Variants in DENND4B observed in about 807,000 individuals in gnomAD.
The protein encoded by DENND4B is DENN domain containing 4B.
In DENND4B, 67 loss-of-function variants were observed where a neutral mutation model predicts 161.0. That is an observed-to-expected ratio of 0.42 (90% CI 0.34 to 0.51). The LOEUF (loss-of-function observed/expected upper bound fraction) is 0.51. DENND4B is among the 20% of genes least tolerant of loss of function. The pLI, the probability that DENND4B is intolerant of heterozygous loss-of-function variation, is 0.08. For missense variants in DENND4B, 1,481 were observed against 1,968.0 expected (o/e 0.75, Z 4.68); for synonymous variants, 753 against 813.8 (o/e 0.93, Z 1.27).
At position 153,936,219 on chromosome 1, in the gene DENND4B, G is replaced by T; in HGVS notation, c.2440-31C>A. The T allele has an allele frequency of 1.3e-6, 2 of 1,586,464 alleles. No homozygotes were observed. Among genetic ancestry groups the T allele is most frequent in the Non-Finnish European group, 1.7e-6 (2 of 1,166,048 alleles). On this transcript the variant is annotated intron_variant, in intron 16 of 27. Transcript: ENST00000361217. This position sits in a 1 kb window ranked among gnomAD's most constrained non-coding sequence, Gnocchi z 4.1. ...CCAGGAGAGGCACAGGACAATGGGA[G>T]ACTCACTCTCAACCAAAACCAAAGT...
rs775713292 is a variant in DENND4B, at chr1:153,936,022, C to A, written c.2568+38G>T. The A allele has an allele frequency of 8.1e-5, 130 of 1,609,622 alleles. No homozygotes were observed. Among genetic ancestry groups the A allele is most frequent in the Non-Finnish European group, 1.1e-4 (126 of 1,177,880 alleles). ...AGCAGCCTCCCCTCACACACCCTGG[C>A]ACAGCTGCCATCCCACCCCTCACCC... is the stretch of plus-strand genomic sequence containing the variant. On this transcript the variant is annotated intron_variant, in intron 17 of 27. Transcript: ENST00000361217. The surrounding 1 kb of genome is among the most constrained non-coding windows in gnomAD (Gnocchi z 4.1).
At chr1:153,931,558 C>T (rs1011821130) in intron 24 of DENND4B, among the ~76,000 whole-genome samples, 1 of 147,658 alleles carries the variant, frequency 6.8e-6, no homozygotes, top group Non-Finnish European at 1.5e-5. Context: ...AGTGCAGTGG[C>T]GCGATCTCAG....
chr1:153,945,635 T>C (rs1197694996), intron 1 of DENND4B, among the ~76,000 whole-genome samples: 1 of 152,076 alleles, frequency 6.6e-6, no homozygotes. Flanking sequence ...ACTCCACTTC[T>C]GGGAGGTAAA....
intron 1 of DENND4B, among the ~76,000 whole-genome samples, chr1:153,945,576 G>A (rs111916011): frequency 1.4e-5 from 2 of 145,778 alleles, no homozygotes; most frequent in Non-Finnish European, 3.0e-5. Flanking sequence ...ACACACACAC[G>A]CACACACACA....
intron 2 of DENND4B, 47 bp from the exon 3 acceptor site, chr1:153,943,177 A>G (rs764567479): frequency 1.3e-6 from 2 of 1,568,364 alleles, no homozygotes; most frequent in South Asian, 2.3e-5. Flanking sequence ...AGGGTAGAGG[A>G]CAAAGACCCA....
chr1:153,939,917 C>A, intron 11 of DENND4B, 113 bp from the exon 12 acceptor site: 1 of 1,054,550 alleles, frequency 9.5e-7, no homozygotes, highest in Non-Finnish European at 1.4e-6. Flanking sequence ...GCACCAGTAG[C>A]AACTAAAGTA....
In DENND4B at chr1:153,934,843, T is replaced by C; in HGVS notation, c.2690A>G (p.Gln897Arg). 6.2e-7 allele frequency: 1 copy of C among 1,612,510 alleles called. No individual in the cohort carries two copies. Among genetic ancestry groups the C allele is most frequent in the South Asian group, 1.1e-5 (1 of 91,034 alleles). ...CTGCTGCTGCTGTTGCTGCTGCTGCTGCTGTTGCCGTTCTCTCAAGGGCTG... is the reference window on the plus strand; with the variant it reads ...CTGCTGCTGCTGTTGCTGCTGCTGCCGCTGTTGCCGTTCTCTCAAGGGCTG... Reference protein sequence around the residue: ...FRQPLRERQQQQQQQQQQQQQ... With the variant: ...FRQPLRERQQRQQQQQQQQQQ... Residue 897 changes from glutamine (Q) to arginine (R), a missense_variant, in exon 18 of 28, where the codon CAG becomes CGG. Gln to Arg is a conservative substitution (Grantham distance 43). Coordinates refer to ENST00000361217, the MANE Select transcript of DENND4B (RefSeq NM_014856.3). The surrounding 1 kb of genome is among the most constrained non-coding windows in gnomAD (Gnocchi z 5.3).
rs1679441295 is a variant in DENND4B at position 153,937,927 on chromosome 1, T to C, written c.1966-64A>G. Reference sequence around the variant, plus strand: ...GGGCATGGAGCAGAGCCAGGGTGTCTAGACGATGGCATCTCCCAGGAAAGC... The same window carrying C: ...GGGCATGGAGCAGAGCCAGGGTGTCCAGACGATGGCATCTCCCAGGAAAGC... On this transcript the variant is annotated intron_variant, in intron 13 of 27. Coordinates refer to ENST00000361217, the MANE Select transcript of DENND4B (RefSeq NM_014856.3). This position sits in a 1 kb window ranked among gnomAD's most constrained non-coding sequence, Gnocchi z 4.7. 1 of 1,601,776 alleles carries C rather than the reference T, an allele frequency of 6.2e-7. No individual in the cohort carries two copies. The highest frequency in any genetic ancestry group is 1.1e-5 in the South Asian group (1 of 90,294).
Position 153,942,947 on chromosome 1 carries a change from C to G in DENND4B, c.501G>C (p.Val167=), listed in dbSNP as rs751943189. 10 of 1,613,576 alleles carry G rather than the reference C, an allele frequency of 6.2e-6. No homozygotes were observed. The African/African-American group carries it at 1.2e-4, about 19-fold the overall frequency. ...HALGITDLCL[V]LPSKGEGTPH... ...GAGTGCCCTCGCCCTTACTGGGCAGCACCAGGCAGAGGTCAGTGATGCCCA... is the reference window on the plus strand; with the variant it reads ...GAGTGCCCTCGCCCTTACTGGGCAGGACCAGGCAGAGGTCAGTGATGCCCA... Residue 167 remains valine (V), a synonymous_variant, in exon 3 of 28, where the codon GTG becomes GTC. Transcript: ENST00000361217. The surrounding 1 kb of genome is among the most constrained non-coding windows in gnomAD (Gnocchi z 6.9).
Position 153,932,168 on chromosome 1 carries a change from G to T in DENND4B, c.3996+36C>A. 2 of 1,565,296 alleles carry T rather than the reference G, an allele frequency of 1.3e-6. No homozygotes were observed. Among genetic ancestry groups the T allele is most frequent in the Non-Finnish European group, 1.8e-6 (2 of 1,142,132 alleles). On this transcript the variant is annotated intron_variant, in intron 24 of 27. Transcript: ENST00000361217. The surrounding 1 kb of genome is among the most constrained non-coding windows in gnomAD (Gnocchi z 5.8). ...GACAAATGGCTGAGAGATGAGGGAG[G>T]CACTTAGGAAACAGGGGCCACATGG... is the stretch of plus-strand genomic sequence containing the variant.
intron 2 of DENND4B, among the ~76,000 whole-genome samples, chr1:153,943,790 AT>A (rs1679809614): frequency 6.6e-6 from 1 of 151,592 alleles, no homozygotes; most frequent in African/African-American, 2.4e-5. Flanking sequence ...AGGATGAATT[AT>A]TTTCCCCATT....
chr1:153,937,673 C>T lies in DENND4B; in HGVS notation c.2105+51G>A. The T allele has an allele frequency of 6.2e-7, 1 of 1,613,356 alleles. No individual in the cohort carries two copies. On this transcript the variant is annotated intron_variant, in intron 14 of 27. Coordinates refer to ENST00000361217, the MANE Select transcript of DENND4B (RefSeq NM_014856.3). This position sits in a 1 kb window ranked among gnomAD's most constrained non-coding sequence, Gnocchi z 4.7. ...TCAGCACAGGGCGAAGCGAGTTGGA[C>T]TGGACCAGTCTATGGGACCCTGGAA... is the stretch of plus-strand genomic sequence containing the variant.
Position 153,933,465 on chromosome 1 carries a change from C to T in DENND4B, c.3330+18G>A. The T allele has an allele frequency of 6.4e-7, 1 of 1,571,020 alleles. No individual in the cohort carries two copies. Among genetic ancestry groups the T allele is most frequent in the Non-Finnish European group, 8.6e-7 (1 of 1,158,350 alleles). On this transcript the variant is annotated intron_variant, in intron 20 of 27. Transcript: ENST00000361217. This position sits in a 1 kb window ranked among gnomAD's most constrained non-coding sequence, Gnocchi z 5.7. ...GCCCACTAATGCTAAGGCATCTGGA[C>T]CCTCCTTCACTGGCTACCTCGGAGG...
At position 153,934,018 on chromosome 1, in the gene DENND4B, C is replaced by T; in HGVS notation, c.2941+117G>A. 1 of 1,471,066 alleles carries T rather than the reference C, an allele frequency of 6.8e-7. No homozygotes were observed. Among genetic ancestry groups the T allele is most frequent in the Non-Finnish European group, 9.0e-7 (1 of 1,107,634 alleles). The allele number at this position is 1,471,066 out of a possible 1,614,324, so 91.1% of individuals were successfully genotyped here. On this transcript the variant is annotated intron_variant, in intron 19 of 27. Coordinates refer to ENST00000361217, the MANE Select transcript of DENND4B (RefSeq NM_014856.3). This position sits in a 1 kb window ranked among gnomAD's most constrained non-coding sequence, Gnocchi z 5.3. ...ATTCTGGGCGAGATTCCCTCAGAAT[C>T]TACAGCACCCACCACAGAGGGCCGC...
intron 24 of DENND4B, 48 bp from the exon 25 acceptor site, chr1:153,931,112 G>T: frequency 6.8e-7 from 1 of 1,473,934 alleles, no homozygotes; most frequent in South Asian, 1.2e-5. Context: ...CGAATGGGAG[G>T]CAGAGGACAA....
intron 6 of DENND4B, 94 bp downstream of exon 6, chr1:153,941,775 G>GGGGGGCCC: frequency 7.5e-7 from 1 of 1,338,172 alleles, no homozygotes; most frequent in Non-Finnish European, 1.0e-6. Flanking sequence ...CCTGTGCCCA[G>GGGGGGCCC]CCCTCCCCCC....
At position 153,934,104 on chromosome 1, in the gene DENND4B, G is replaced by A; in HGVS notation, c.2941+31C>T. 1 of 1,525,360 alleles carries A rather than the reference G, an allele frequency of 6.6e-7. No individual in the cohort carries two copies. Among genetic ancestry groups the A allele is most frequent in the Non-Finnish European group, 8.7e-7 (1 of 1,143,126 alleles). 94.5% of individuals were successfully genotyped at this position (1,525,360 alleles called of 1,614,324 possible). A position where few individuals can be genotyped will look rare whatever the true frequency, so the allele number is the denominator to read the frequency against. ...GCAAGTGGTTAGGAAAGCTGACTGG[G>A]GGAGTGAGGGAGCCAGACAAGGGCA... is the stretch of plus-strand genomic sequence containing the variant. On this transcript the variant is annotated intron_variant, in intron 19 of 27. Transcript: ENST00000361217. The surrounding 1 kb of genome is among the most constrained non-coding windows in gnomAD (Gnocchi z 5.3).
Position 153,946,088 on chromosome 1 carries a change from C to G in DENND4B, c.-24+213G>C, listed in dbSNP as rs1045660668. Among the ~76,000 whole-genome samples the G allele has an allele frequency of 6.6e-6, 1 of 152,178 alleles. No homozygotes were observed. The highest frequency in any genetic ancestry group is 1.5e-5 in the Non-Finnish European group (1 of 68,004). On this transcript the variant is annotated intron_variant, in intron 1 of 27. Coordinates refer to ENST00000361217, the MANE Select transcript of DENND4B (RefSeq NM_014856.3). This position sits in a 1 kb window ranked among gnomAD's most constrained non-coding sequence, Gnocchi z 6.3. ...GGAGGGCGGCTCCGACTCCGGCACC[C>G]ACGGGAGCAGAAGGGGGTGCAGGAG...
Position 153,934,450 on chromosome 1 carries a change from GT to G in DENND4B, c.2774-149del. On this transcript the variant is annotated intron_variant, in intron 18 of 27. Coordinates refer to ENST00000361217, the MANE Select transcript of DENND4B (RefSeq NM_014856.3). The surrounding 1 kb of genome is among the most constrained non-coding windows in gnomAD (Gnocchi z 5.3). ...TTGTGTTTGTTTGTTTGTTTGTTTT[GT>G]TTTGTTTTTTGAGATGGAGTCTTGC... The G allele has an allele frequency of 1.6e-6, 2 of 1,264,416 alleles. No individual in the cohort carries two copies. The highest frequency in any genetic ancestry group is 2.9e-5 in the Admixed American group (1 of 34,860). 78.3% of individuals were successfully genotyped at this position (1,264,416 alleles called of 1,614,324 possible).
Sources: gnomAD v4.1 joint callset for allele counts (sites outside exome capture counted in the v4.1 genomes callset) on GRCh38, gnomAD v4.1.1 for gene constraint, Gnocchi (gnomAD v3.1) non-coding constraint, MANE v1.5 for transcripts, NCBI Gene and HGNC (gene_info 2026-07-23, HGNC 2026-07-21) for gene names.